The following SLC26A7 variants were observed in gnomAD, a reference collection of about 807,000 sequenced individuals.
SLC26A7 encodes anion exchange transporter.
A neutral mutation model predicts 82.5 loss-of-function variants in SLC26A7; 59 were observed. The observed-to-expected ratio is 0.72, with a 90% CI of 0.58 to 0.89. The LOEUF (loss-of-function observed/expected upper bound fraction) is 0.89. SLC26A7 is among the 40% of genes least tolerant of loss of function. The pLI is 0.00. For missense variants in SLC26A7, 820 were observed against 793.0 expected (o/e 1.03, Z -0.41); for synonymous variants, 271 against 274.3 (o/e 0.99, Z 0.12).
chr8:91,256,384 C>G (rs1018037463), intron 2 of SLC26A7, among the ~76,000 whole-genome samples: 1 of 152,092 alleles, frequency 6.6e-6, no homozygotes, highest in Non-Finnish European at 1.5e-5. Context: ...AGAATAAGGT[C>G]TGACCTCTAG....
In SLC26A7 at chr8:91,397,514, T is replaced by C. The variant is rs1808603089; in HGVS notation, c.*2417T>C. On this transcript the variant is annotated 3_prime_UTR_variant, in exon 19 of 19. Coordinates refer to ENST00000276609, the MANE Select transcript of SLC26A7 (RefSeq NM_052832.4). ...ATTGGAAAAAATTAAAACTGACCTA[T>C]AAGAGTGTTAAGGACCTAATAGAGT... is the stretch of plus-strand genomic sequence containing the variant. 1.3e-5 allele frequency: 2 copies of C among 152,636 alleles called. No homozygotes were observed. The highest frequency in any genetic ancestry group is 2.1e-4 in the South Asian group (1 of 4,826). 9.5% of individuals were successfully genotyped at this position (152,636 alleles called of 1,614,324 possible). A position where few individuals can be genotyped will look rare whatever the true frequency, so the allele number is the denominator to read the frequency against.
chr8:91,269,317 G>A (rs983725076), intron 2 of SLC26A7, among the ~76,000 whole-genome samples: 1 of 151,978 alleles, frequency 6.6e-6, no homozygotes, highest in African/African-American at 2.4e-5. Context: ...TGGTAGTCTT[G>A]ATCTCTCCTT....
chr8:91,366,768 A>G, intron 14 of SLC26A7, 51 bp downstream of exon 14: 1 of 1,559,090 alleles, frequency 6.4e-7, no homozygotes, highest in Non-Finnish European at 8.7e-7. Flanking sequence ...GCCTTATATC[A>G]TGACAATAAA....
At chr8:91,253,351 G>A (rs1276333419) in intron 2 of SLC26A7, among the ~76,000 whole-genome samples, 2 of 152,030 alleles carry the variant, frequency 1.3e-5, no homozygotes, top group East Asian at 1.9e-4. Context: ...CAGCTGCCAG[G>A]TTCTTTTGTT....
chr8:91,379,796 A>C (rs552739472), intron 15 of SLC26A7, among the ~76,000 whole-genome samples: 1 of 152,234 alleles, frequency 6.6e-6, no homozygotes, highest in East Asian at 1.9e-4. Flanking sequence ...AATGATTATT[A>C]AACTTCACTA....
chr8:91,344,958 T>G (rs1327816041), intron 9 of SLC26A7, among the ~76,000 whole-genome samples: 1 of 152,088 alleles, frequency 6.6e-6, no homozygotes, highest in African/African-American at 2.4e-5. Flanking sequence ...TTTTCTTTTT[T>G]TTTTGGCAGA....
intron 16 of SLC26A7, among the ~76,000 whole-genome samples, chr8:91,390,631 A>G (rs1028400418): frequency 6.6e-6 from 1 of 152,026 alleles, no homozygotes; most frequent in Admixed American, 6.5e-5. Context: ...CAGACCACCT[A>G]GAGCCTCCCT....
At chr8:91,280,227 ATAGT>A (rs1206540975) in intron 2 of SLC26A7, among the ~76,000 whole-genome samples, 1 of 152,106 alleles carries the variant, frequency 6.6e-6, no homozygotes, top group African/African-American at 2.4e-5. Context: ...CAGTTGTTTT[ATAGT>A]TTCACCTTTT....
intron 2 of SLC26A7, among the ~76,000 whole-genome samples, chr8:91,258,560 A>G (rs908857958): frequency 2.6e-5 from 4 of 152,076 alleles, no homozygotes; most frequent in Non-Finnish European, 5.9e-5. Flanking sequence ...CACTTCCCTG[A>G]CAGTACTAGA....
chr8:91,356,070 A>G (rs1813858884), intron 11 of SLC26A7, among the ~76,000 whole-genome samples: 1 of 151,834 alleles, frequency 6.6e-6, no homozygotes, highest in Non-Finnish European at 1.5e-5. Flanking sequence ...ATCCTTTTTT[A>G]TGGCTGCATA....
intron 15 of SLC26A7, among the ~76,000 whole-genome samples, chr8:91,383,182 G>C (rs1814711127): frequency 6.6e-6 from 1 of 152,070 alleles, no homozygotes; most frequent in African/African-American, 2.4e-5. Flanking sequence ...GGAGATGAAG[G>C]ACTCAGAAGA....
At chr8:91,282,952 T>C (rs1403361454) in intron 2 of SLC26A7, among the ~76,000 whole-genome samples, 2 of 152,222 alleles carry the variant, frequency 1.3e-5, no homozygotes, top group Non-Finnish European at 2.9e-5. Context: ...GCACTCAGCA[T>C]AAGCATTTCT....
chr8:91,268,504 G>A (rs899508828), intron 2 of SLC26A7, among the ~76,000 whole-genome samples: 1 of 151,468 alleles, frequency 6.6e-6, no homozygotes, highest in South Asian at 2.1e-4. Flanking sequence ...CTATCTCTTC[G>A]CTTTCAGTCT....
intron 15 of SLC26A7, 41 bp downstream of exon 15, chr8:91,369,874 C>G (rs766287129): frequency 6.8e-7 from 1 of 1,480,334 alleles, no homozygotes; most frequent in Non-Finnish European, 9.4e-7. Flanking sequence ...AAGTGTTTAC[C>G]TTGAAGATAG....
At chr8:91,299,625 C>A (rs1268638807) in intron 4 of SLC26A7, among the ~76,000 whole-genome samples, 1 of 152,112 alleles carries the variant, frequency 6.6e-6, no homozygotes, top group African/African-American at 2.4e-5. Context: ...TTGGGACTTT[C>A]TTTGCTATTC....
At position 91,326,816 on chromosome 8, in the gene SLC26A7, G is replaced by T. The variant is rs144670848; in HGVS notation, c.643-7479G>T. 1.4e-3 allele frequency among the ~76,000 whole-genome samples: 206 copies of T among 152,194 alleles called. 2 individuals carry two copies. The highest frequency in any genetic ancestry group is 4.9e-3 in the African/African-American group (203 of 41,536). ...GTCTCTTCTGGTCCATGCTCCCTCT[G>T]CAGGTTCTAGGGGAGAAACCATCCT... is the stretch of plus-strand genomic sequence containing the variant. On this transcript the variant is annotated intron_variant, in intron 5 of 18. Coordinates refer to ENST00000276609, the MANE Select transcript of SLC26A7 (RefSeq NM_052832.4).
At chr8:91,376,089 G>A (rs1361134909) in intron 15 of SLC26A7, among the ~76,000 whole-genome samples, 1 of 151,608 alleles carries the variant, frequency 6.6e-6, no homozygotes, top group African/African-American at 2.4e-5. Context: ...TGTTCTATTT[G>A]GCTTTTATAA....
At chr8:91,358,328 T>C (rs2130864424) in intron 11 of SLC26A7, among the ~76,000 whole-genome samples, 1 of 145,882 alleles carries the variant, frequency 6.9e-6, no homozygotes, top group Admixed American at 6.7e-5. Context: ...TTTTTCTTTT[T>C]CTTTTTTTTT....
chr8:91,239,046 A>G (rs543924889), intron 2 of SLC26A7, among the ~76,000 whole-genome samples: 1 of 152,272 alleles, frequency 6.6e-6, no homozygotes, highest in East Asian at 1.9e-4. Flanking sequence ...TTTATAGATC[A>G]TATATACCCA....
Sources: gnomAD v4.1 joint callset for allele counts (sites outside exome capture counted in the v4.1 genomes callset) on GRCh38, gnomAD v4.1.1 for gene constraint, MANE v1.5 for transcripts, NCBI Gene and HGNC (gene_info 2026-07-23, HGNC 2026-07-21) for gene names.